EXT1: variants seen among roughly 807,000 people sequenced by gnomAD.
EXT1 encodes exostosin glycosyltransferase 1.
Under a neutral mutation model 82.5 loss-of-function variants are expected in EXT1, and 20 were observed. The observed-to-expected ratio is 0.24, with a 90% CI of 0.17 to 0.35. The LOEUF (loss-of-function observed/expected upper bound fraction) is 0.35. Among genes scored for constraint, EXT1 ranks in the 10% least tolerant of loss-of-function variants. The pLI is 1.00. For missense variants in EXT1, 757 were observed against 936.5 expected, an observed-to-expected ratio of 0.81 and a Z score of 2.50; for synonymous variants, 348 against 350.8, an observed-to-expected ratio of 0.99 and a Z score of 0.09.
chr8:117,908,078 A>G (rs1813575502), intron 1 of EXT1, among the ~76,000 whole-genome samples: 1 of 152,248 alleles, frequency 6.6e-6, no homozygotes, highest in Non-Finnish European at 1.5e-5. Flanking sequence ...TTTTAGCCAA[A>G]CATTAAAGTT....
intron 1 of EXT1, among the ~76,000 whole-genome samples, chr8:118,106,270 T>C (rs960420055): frequency 5.3e-5 from 8 of 152,250 alleles, no homozygotes; most frequent in Non-Finnish European, 1.0e-4. Flanking sequence ...AATAAGGATC[T>C]CCTTGTGGCT....
intron 5 of EXT1, among the ~76,000 whole-genome samples, chr8:117,821,655 A>C (rs1811926050): frequency 6.6e-6 from 1 of 152,208 alleles, no homozygotes; most frequent in Non-Finnish European, 1.5e-5. Flanking sequence ...TGTACAACTT[A>C]AAAGGGTGAG....
At chr8:118,100,860 C>A (rs1009717616) in intron 1 of EXT1, among the ~76,000 whole-genome samples, 1 of 152,096 alleles carries the variant, frequency 6.6e-6, no homozygotes, top group African/African-American at 2.4e-5. Flanking sequence ...CCAGGGATCC[C>A]CCTCAACTGC....
At chr8:117,908,903 C>T (rs188306989) in intron 1 of EXT1, among the ~76,000 whole-genome samples, 13 of 152,022 alleles carry the variant, frequency 8.6e-5, no homozygotes, top group Non-Finnish European at 1.3e-4. Context: ...GAGGGCAGAT[C>T]GCTTGAGCCC....
intron 1 of EXT1, among the ~76,000 whole-genome samples, chr8:117,838,871 G>T (rs1812229113): frequency 6.6e-6 from 1 of 152,016 alleles, no homozygotes; most frequent in Admixed American, 6.6e-5. Context: ...CTACAGCAAG[G>T]TTTAATAAGT....
chr8:118,011,358 A>T (rs1477202725), intron 1 of EXT1, among the ~76,000 whole-genome samples: 1 of 152,196 alleles, frequency 6.6e-6, no homozygotes, highest in African/African-American at 2.4e-5. Context: ...GGCACCCACT[A>T]ACCTTATGAA....
intron 7 of EXT1, 45 bp from the exon 8 acceptor site, chr8:117,813,006 G>A (rs762431734): frequency 3.4e-5 from 51 of 1,515,902 alleles, no homozygotes; most frequent in Non-Finnish European, 4.3e-5. Flanking sequence ...ATGAGGGAAA[G>A]AGGTAACTTC....
At chr8:118,088,416 C>T (rs1350072090) in intron 1 of EXT1, among the ~76,000 whole-genome samples, 4 of 150,884 alleles carry the variant, frequency 2.7e-5, no homozygotes, top group Non-Finnish European at 4.4e-5. Flanking sequence ...ATTTCTGGCA[C>T]GGTTCAGACT....
intron 1 of EXT1, among the ~76,000 whole-genome samples, chr8:118,012,578 A>G (rs1474915676): frequency 6.6e-6 from 1 of 152,264 alleles, no homozygotes; most frequent in African/African-American, 2.4e-5. Flanking sequence ...ACAGGCCTCC[A>G]GGGTGGAGAC....
chr8:118,002,606 A>C (rs2129814206), intron 1 of EXT1, among the ~76,000 whole-genome samples: 1 of 137,020 alleles, frequency 7.3e-6, no homozygotes, highest in South Asian at 2.2e-4. Flanking sequence ...ATCTCAGCTC[A>C]CTGCAAGCTC....
intron 1 of EXT1, among the ~76,000 whole-genome samples, chr8:118,029,802 A>G (rs191227390): frequency 6.6e-5 from 10 of 152,348 alleles, no homozygotes; most frequent in Admixed American, 5.9e-4. Context: ...TACTAGCTTC[A>G]GCTGCAAACT....
intron 1 of EXT1, among the ~76,000 whole-genome samples, chr8:118,035,562 A>G (rs1216211578): frequency 1.3e-5 from 2 of 152,118 alleles, no homozygotes; most frequent in African/African-American, 2.4e-5. Flanking sequence ...AAGTCAGATG[A>G]ATAATTTTAC....
In EXT1 at chr8:117,923,933, A is replaced by G. The variant is rs565335827; in HGVS notation, c.963-86732T>C. 2.0e-5 allele frequency among the ~76,000 whole-genome samples: 3 copies of G among 152,300 alleles called. No individual in the cohort carries two copies. The South Asian group carries it at 6.2e-4, about 32-fold the overall frequency. On this transcript the variant is annotated intron_variant, in intron 1 of 10. Transcript: ENST00000378204. ...TGGGTCTAGTAAGAGTGAGAAGGAAAACACAGAGACATGTATTCACCATCG... is the reference window on the plus strand; with the variant it reads ...TGGGTCTAGTAAGAGTGAGAAGGAAGACACAGAGACATGTATTCACCATCG...
intron 10 of EXT1, 148 bp from the exon 11 acceptor site, chr8:117,800,045 G>T: frequency 2.6e-6 from 2 of 762,184 alleles, no homozygotes; most frequent in Non-Finnish European, 2.2e-6. Context: ...TGCACCTGCT[G>T]AAAATGCAAT....
chr8:117,870,872 A>G (rs910017188), intron 1 of EXT1, among the ~76,000 whole-genome samples: 1 of 148,184 alleles, frequency 6.7e-6, no homozygotes, highest in African/African-American at 2.6e-5. Flanking sequence ...AATAAAAAAC[A>G]TATTTTTTAA....
At chr8:117,955,655 A>G (rs1157551462) in intron 1 of EXT1, among the ~76,000 whole-genome samples, 2 of 152,102 alleles carry the variant, frequency 1.3e-5, no homozygotes, top group Non-Finnish European at 2.9e-5. Flanking sequence ...TCCCGGGTTC[A>G]AGCGATTCTC....
rs11327798 is a variant in EXT1, at chr8:117,921,975, CTT to C, written c.963-84776_963-84775del. ...ATGTCGCTTTATTCAGATTTGTTTTCTTTTTTTTTTTTTAACTCCAGTTACAA... is the reference window on the plus strand; with the variant it reads ...ATGTCGCTTTATTCAGATTTGTTTTCTTTTTTTTTTTAACTCCAGTTACAA... On this transcript the variant is annotated intron_variant, in intron 1 of 10. Transcript: ENST00000378204. 1.5e-3 allele frequency among the ~76,000 whole-genome samples: 224 copies of C among 148,030 alleles called. 1 individual carries two copies. The highest frequency in any genetic ancestry group is 1.4e-3 in the Non-Finnish European group (93 of 66,910).
At chr8:117,870,685 T>C (rs1022519812) in intron 1 of EXT1, among the ~76,000 whole-genome samples, 1 of 152,048 alleles carries the variant, frequency 6.6e-6, no homozygotes, top group Non-Finnish European at 1.5e-5. Flanking sequence ...CTACTCCAAG[T>C]GTTAGAAAAT....
At chr8:117,806,804 A>G (rs1188593577) in intron 9 of EXT1, among the ~76,000 whole-genome samples, 1 of 152,248 alleles carries the variant, frequency 6.6e-6, no homozygotes, top group African/African-American at 2.4e-5. Context: ...TGGAATTATT[A>G]TGTAGACAGT....
Sources: gnomAD v4.1 joint callset for allele counts (sites outside exome capture counted in the v4.1 genomes callset) on GRCh38, gnomAD v4.1.1 for gene constraint, MANE v1.5 for transcripts, NCBI Gene and HGNC (gene_info 2026-07-23, HGNC 2026-07-21) for gene names.